The following CDH4 variants were observed in gnomAD, a reference collection of about 807,000 sequenced individuals.
CDH4 encodes the protein cadherin-4.
Under a neutral mutation model 86.0 loss-of-function variants are expected in CDH4, and 33 were observed. The ratio of observed to expected loss-of-function variants is 0.38; its 90% CI spans 0.29 to 0.51. CDH4 has a LOEUF of 0.51. Ranked by LOEUF, CDH4 falls within the 20% of genes least tolerant of loss-of-function variation. The pLI is 0.86. For missense variants in CDH4, 1,114 were observed against 1,307.4 expected (o/e 0.85, Z 2.28); for synonymous variants, 555 against 549.4 (o/e 1.01, Z -0.14).
chr20:61,760,544 C>A (rs939159760), intron 3 of CDH4, among the ~76,000 whole-genome samples: 2 of 152,244 alleles, frequency 1.3e-5, no homozygotes, highest in African/African-American at 4.8e-5. Flanking sequence ...GGTCGTGCAA[C>A]CTCCCTGGGT....
chr20:61,397,178 G>A (rs2085022334), intron 2 of CDH4, among the ~76,000 whole-genome samples: 1 of 152,118 alleles, frequency 6.6e-6, no homozygotes, highest in Non-Finnish European at 1.5e-5. Flanking sequence ...CCAAAGTGCT[G>A]GGATTACAGG....
intron 2 of CDH4, among the ~76,000 whole-genome samples, chr20:61,631,135 G>C (rs1031164371): frequency 6.6e-6 from 1 of 152,192 alleles, no homozygotes; most frequent in Admixed American, 6.5e-5. Flanking sequence ...CAAGGTGTTC[G>C]AGCTGGGACT....
chr20:61,756,252 C>A (rs2088563500), intron 3 of CDH4, among the ~76,000 whole-genome samples: 1 of 151,470 alleles, frequency 6.6e-6, no homozygotes, highest in Admixed American at 6.5e-5. Flanking sequence ...CAACCCTGGC[C>A]AGGGGCTCGG....
Position 61,571,453 on chromosome 20 carries a change from G to A in CDH4, c.170-172110G>A, listed in dbSNP as rs141258702. On this transcript the variant is annotated intron_variant, in intron 2 of 15. Coordinates refer to ENST00000614565, the MANE Select transcript of CDH4 (RefSeq NM_001794.5). ...CCAGGCGCCATGGCAGGGAGTGACT[G>A]CAGGACCCAGCTCCGTGGGCCACGT... Among the ~76,000 whole-genome samples, 1,323 of 152,290 alleles carry A rather than the reference G, an allele frequency of 8.7e-3. 23 individuals are homozygous for A. Among genetic ancestry groups the A allele is most frequent in the African/African-American group, 0.031 (1,274 of 41,562 alleles).
At chr20:61,328,244 C>T (rs558158776) in intron 2 of CDH4, among the ~76,000 whole-genome samples, 4 of 152,182 alleles carry the variant, frequency 2.6e-5, no homozygotes, top group Non-Finnish European at 4.4e-5. Context: ...GGTGCAATCT[C>T]GGCTCACTGC....
At chr20:61,401,224 A>G (rs1031020064) in intron 2 of CDH4, among the ~76,000 whole-genome samples, 1 of 152,010 alleles carries the variant, frequency 6.6e-6, no homozygotes, top group Non-Finnish European at 1.5e-5. Context: ...TGTACTTTTC[A>G]CTCCAAATTT....
At chr20:61,403,625 C>G (rs1270371284) in intron 2 of CDH4, among the ~76,000 whole-genome samples, 1 of 152,156 alleles carries the variant, frequency 6.6e-6, no homozygotes, top group Non-Finnish European at 1.5e-5. Context: ...TTGTTTCTGC[C>G]TGGACCTCAG....
intron 13 of CDH4, 138 bp from the exon 14 acceptor site, chr20:61,932,847 G>A (rs6061909): frequency 9.0e-7 from 1 of 1,111,948 alleles, no homozygotes; most frequent in Non-Finnish European, 1.3e-6. Flanking sequence ...GTGCAGTACA[G>A]GTGTGCATGC....
At chr20:61,270,875 C>T (rs1353431045) in intron 2 of CDH4, among the ~76,000 whole-genome samples, 1 of 152,070 alleles carries the variant, frequency 6.6e-6, no homozygotes, top group East Asian at 1.9e-4. Context: ...TCCTGTCTTC[C>T]TCTGGGGTGT....
In CDH4 at chr20:61,377,439, C is replaced by T. The variant is rs1189331400; in HGVS notation, c.169+122502C>T. Among the ~76,000 whole-genome samples the T allele has an allele frequency of 1.3e-5, 2 of 152,170 alleles. No homozygotes were observed. Among genetic ancestry groups the T allele is most frequent in the African/African-American group, 4.8e-5 (2 of 41,432 alleles). On this transcript the variant is annotated intron_variant, in intron 2 of 15. Transcript: ENST00000614565. This position sits in a 1 kb window ranked among gnomAD's most constrained non-coding sequence, Gnocchi z 4.0. ...CCCCATTTCCTTCATCCTCTCTCCACCTCCCTGGTGCCTTTCCTGAGTGTA... is the reference window on the plus strand; with the variant it reads ...CCCCATTTCCTTCATCCTCTCTCCATCTCCCTGGTGCCTTTCCTGAGTGTA...
chr20:61,391,965 A>G (rs1052596394), intron 2 of CDH4, among the ~76,000 whole-genome samples: 3 of 152,108 alleles, frequency 2.0e-5, no homozygotes, highest in Middle Eastern at 3.4e-3. Context: ...AAGATGAGCA[A>G]TTGGGAGAAA....
At chr20:61,423,859 C>T (rs1240625507) in intron 2 of CDH4, among the ~76,000 whole-genome samples, 4 of 152,322 alleles carry the variant, frequency 2.6e-5, no homozygotes, top group Middle Eastern at 3.4e-3. Context: ...AGCCTTTCCT[C>T]GCCTGGCCTC....
At chr20:61,461,141 A>G (rs1444826537) in intron 2 of CDH4, among the ~76,000 whole-genome samples, 1 of 152,032 alleles carries the variant, frequency 6.6e-6, no homozygotes, top group South Asian at 2.1e-4. Flanking sequence ...CCTTCCCCCA[A>G]TTTTACACAA....
At chr20:61,457,851 CTGGTGG>C (rs1225289234) in intron 2 of CDH4, among the ~76,000 whole-genome samples, 1 of 142,902 alleles carries the variant, frequency 7.0e-6, no homozygotes, top group Non-Finnish European at 1.5e-5. Context: ...AGTGTTGACA[CTGGTGG>C]TGGTGGTGAT....
intron 2 of CDH4, among the ~76,000 whole-genome samples, chr20:61,433,416 G>A (rs1023259780): frequency 5.9e-5 from 9 of 151,970 alleles, no homozygotes; most frequent in Admixed American, 3.9e-4. Context: ...ATCTGGTAGC[G>A]TCAGCCATTC....
intron 2 of CDH4, among the ~76,000 whole-genome samples, chr20:61,474,485 T>G (rs1316795791): frequency 2.0e-5 from 3 of 151,906 alleles, no homozygotes; most frequent in African/African-American, 7.3e-5. Context: ...GAATAGTACA[T>G]TATTATTGCT....
chr20:61,741,272 G>A (rs576567881), intron 2 of CDH4, among the ~76,000 whole-genome samples: 5 of 152,240 alleles, frequency 3.3e-5, no homozygotes, highest in African/African-American at 9.6e-5. Flanking sequence ...GCGGTCCCCC[G>A]GGCATCACTT....
At chr20:61,649,392 C>T (rs995376945) in intron 2 of CDH4, among the ~76,000 whole-genome samples, 2 of 152,360 alleles carry the variant, frequency 1.3e-5, no homozygotes, top group South Asian at 4.1e-4. Context: ...TTCCTCTAAA[C>T]CCTTTGTACT....
At chr20:61,351,318 T>C (rs922164239) in intron 2 of CDH4, among the ~76,000 whole-genome samples, 3 of 152,182 alleles carry the variant, frequency 2.0e-5, no homozygotes, top group Admixed American at 1.3e-4. Flanking sequence ...TTCCATAATA[T>C]AAGTGATCCA....
Sources: gnomAD v4.1 joint callset for allele counts (sites outside exome capture counted in the v4.1 genomes callset) on GRCh38, gnomAD v4.1.1 for gene constraint, Gnocchi (gnomAD v3.1) non-coding constraint, MANE v1.5 for transcripts, NCBI Gene and HGNC (gene_info 2026-07-23, HGNC 2026-07-21) for gene names.